PARP8: variants seen among roughly 807,000 people sequenced by gnomAD.
The protein encoded by PARP8 is poly(ADP-ribose) polymerase family member 8.
In PARP8, 51 loss-of-function variants were observed where a neutral mutation model predicts 124.1. The observed-to-expected ratio is 0.41, with a 90% confidence interval of 0.33 to 0.52. The LOEUF (loss-of-function observed/expected upper bound fraction) is 0.52, where lower values mean the gene tolerates loss of function less well. PARP8 is among the 20% of genes least tolerant of loss of function. PARP8 has a pLI of 0.21. For missense variants in PARP8, 860 were observed against 1,018.9 expected (o/e 0.84, Z 2.12); for synonymous variants, 391 against 361.5 (o/e 1.08, Z -0.93).
At chr5:50,747,165 T>TG in intron 2 of PARP8, among the ~76,000 whole-genome samples, 1 of 141,592 alleles carries the variant, frequency 7.1e-6, no homozygotes, top group Non-Finnish European at 1.5e-5. Context: ...TTTGTTTTGT[T>TG]TTTTTTTTTT....
At chr5:50,761,972 C>A in intron 6 of PARP8, 74 bp downstream of exon 6, 1 of 934,992 alleles carries the variant, frequency 1.1e-6, no homozygotes. Flanking sequence ...GTAATCTGTG[C>A]CTGAGAGTTA....
intron 2 of PARP8, among the ~76,000 whole-genome samples, chr5:50,697,969 A>T (rs1753206858): frequency 6.6e-6 from 1 of 152,180 alleles, no homozygotes; most frequent in African/African-American, 2.4e-5. Flanking sequence ...TCTTCAGGTT[A>T]CATCTTCAGT....
At chr5:50,717,102 A>G (rs1417078439) in intron 2 of PARP8, among the ~76,000 whole-genome samples, 2 of 152,084 alleles carry the variant, frequency 1.3e-5, no homozygotes, top group Non-Finnish European at 2.9e-5. Flanking sequence ...TTACTGTAGG[A>G]AAGTTACATA....
chr5:50,814,226 A>G (rs1339119854), intron 14 of PARP8, among the ~76,000 whole-genome samples: 1 of 152,162 alleles, frequency 6.6e-6, no homozygotes, highest in Non-Finnish European at 1.5e-5. Context: ...AAAATGAACA[A>G]AAGAAGCAAT....
At chr5:50,700,360 A>C (rs918390960) in intron 2 of PARP8, among the ~76,000 whole-genome samples, 9 of 152,216 alleles carry the variant, frequency 5.9e-5, no homozygotes, top group African/African-American at 2.2e-4. Flanking sequence ...TATTCTGTAG[A>C]TAACTTCATT....
intron 2 of PARP8, among the ~76,000 whole-genome samples, chr5:50,696,491 A>G (rs1753040102): frequency 6.6e-6 from 1 of 152,168 alleles, no homozygotes; most frequent in Non-Finnish European, 1.5e-5. Flanking sequence ...AGCCATAATT[A>G]TATTATCTAA....
At chr5:50,701,262 T>C (rs1437870716) in intron 2 of PARP8, among the ~76,000 whole-genome samples, 1 of 152,130 alleles carries the variant, frequency 6.6e-6, no homozygotes. Context: ...TAGGAGACTG[T>C]TCTGGTAGTG....
In PARP8 at chr5:50,842,185, A is replaced by G. The variant is rs188625390; in HGVS notation, c.*117A>G. 2.6e-4 allele frequency: 177 copies of G among 689,442 alleles called. No individual in the cohort carries two copies. The East Asian group carries it at 5.5e-3, about 21-fold the overall frequency. 42.7% of individuals were successfully genotyped at this position (689,442 alleles called of 1,614,324 possible). ...TATTATAAACAAAATTAACCCTTTGAATACTGATTTTTTTTCTTAGTATTT... is the reference window on the plus strand; with the variant it reads ...TATTATAAACAAAATTAACCCTTTGGATACTGATTTTTTTTCTTAGTATTT... On this transcript the variant is annotated 3_prime_UTR_variant, in exon 26 of 26. Coordinates refer to ENST00000281631, the MANE Select transcript of PARP8 (RefSeq NM_024615.4).
At chr5:50,785,924 C>T (rs1180593442) in intron 9 of PARP8, among the ~76,000 whole-genome samples, 1 of 152,160 alleles carries the variant, frequency 6.6e-6, no homozygotes, top group East Asian at 1.9e-4. Flanking sequence ...CATTTGCACA[C>T]TAGTCTCTGT....
chr5:50,755,361 G>T (rs1759811215), intron 3 of PARP8, among the ~76,000 whole-genome samples: 2 of 152,070 alleles, frequency 1.3e-5, no homozygotes, highest in African/African-American at 4.8e-5. Context: ...TTTTATATAA[G>T]GTGTAAGGAA....
At chr5:50,670,876 AAAAC>A (rs1231906963) in intron 2 of PARP8, among the ~76,000 whole-genome samples, 4 of 152,232 alleles carry the variant, frequency 2.6e-5, no homozygotes, top group Non-Finnish European at 4.4e-5. Flanking sequence ...AGTTTAAAGA[AAAAC>A]AAGGTGTAAT....
chr5:50,746,912 C>G (rs931288161), intron 2 of PARP8, among the ~76,000 whole-genome samples: 1 of 151,976 alleles, frequency 6.6e-6, no homozygotes, highest in Admixed American at 6.5e-5. Flanking sequence ...ATCTGTAGTC[C>G]AATCTACCCA....
chr5:50,765,889 T>A lies in PARP8; in HGVS notation c.518+2647T>A, dbSNP rs550251749. Among the ~76,000 whole-genome samples, 20 of 152,350 alleles carry A rather than the reference T, an allele frequency of 1.3e-4. No individual in the cohort carries two copies. In the East Asian group the frequency reaches 2.1e-3, roughly 16 times the overall value. On this transcript the variant is annotated intron_variant, in intron 7 of 25. Coordinates refer to ENST00000281631, the MANE Select transcript of PARP8 (RefSeq NM_024615.4). ...GTCTGTTGAAAACAGACTGTTCTAA[T>A]TAGCTGTTCTTTTACCTAATTGGGG...
chr5:50,823,561 T>A (rs1201176237), intron 17 of PARP8, among the ~76,000 whole-genome samples: 1 of 152,180 alleles, frequency 6.6e-6, no homozygotes, highest in African/African-American at 2.4e-5. Flanking sequence ...AAGAAAACAA[T>A]AAAATGTATT....
chr5:50,671,678 G>A (rs867982243), intron 2 of PARP8, among the ~76,000 whole-genome samples: 15 of 151,854 alleles, frequency 9.9e-5, no homozygotes, highest in South Asian at 6.2e-4. Flanking sequence ...ATACTCTTTT[G>A]AGACCTCACA....
chr5:50,800,512 A>G (rs1323255355), intron 14 of PARP8, among the ~76,000 whole-genome samples: 3 of 152,136 alleles, frequency 2.0e-5, no homozygotes, highest in African/African-American at 7.2e-5. Context: ...TTAGGGGGAA[A>G]ATGTTCAGCC....
At chr5:50,766,882 A>G (rs1761105921) in intron 7 of PARP8, among the ~76,000 whole-genome samples, 1 of 152,214 alleles carries the variant, frequency 6.6e-6, no homozygotes, top group Non-Finnish European at 1.5e-5. Flanking sequence ...ATGAAAGGAA[A>G]GAAAAAAAAT....
chr5:50,698,602 G>A (rs1226094555), intron 2 of PARP8, among the ~76,000 whole-genome samples: 2 of 152,124 alleles, frequency 1.3e-5, no homozygotes, highest in Non-Finnish European at 2.9e-5. Context: ...AAGCACAGTG[G>A]AGAGCAGGAG....
At chr5:50,741,274 CTCTA>C (rs537737987) in intron 2 of PARP8, among the ~76,000 whole-genome samples, 74 of 152,192 alleles carry the variant, frequency 4.9e-4, no homozygotes, top group African/African-American at 1.7e-3. Flanking sequence ...TGATGACATG[CTCTA>C]TCTACTATTC....
Sources: allele counts gnomAD v4.1 joint callset (sites outside exome capture counted in the v4.1 genomes callset), GRCh38; gene constraint gnomAD v4.1.1; transcripts MANE v1.5; gene names NCBI Gene and HGNC (gene_info 2026-07-23, HGNC 2026-07-21).